The following NALF1 variants were observed in gnomAD, a reference collection of about 807,000 sequenced individuals.
NALF1 encodes the protein family with sequence similarity 155 member A.
Under a neutral mutation model 48.4 loss-of-function variants are expected in NALF1, and 3 were observed. That is an observed-to-expected ratio of 0.06 (90% CI 0.03 to 0.16). The LOEUF is 0.16. Among genes scored for constraint, NALF1 ranks in the 10% least tolerant of loss-of-function variants. The pLI is 1.00. For missense variants in NALF1, 526 were observed against 571.5 expected, an observed-to-expected ratio of 0.92 and a Z score of 0.81; for synonymous variants, 262 against 245.7, an observed-to-expected ratio of 1.07 and a Z score of -0.62.
In NALF1 at chr13:107,210,569, C is replaced by T. The variant is rs757550793; in HGVS notation, c.1087+15G>A. 1.9e-6 allele frequency: 3 copies of T among 1,590,188 alleles called. No individual in the cohort carries two copies. The highest frequency in any genetic ancestry group is 2.6e-6 in the Non-Finnish European group (3 of 1,159,374). ...CACCGGAGACTGGTGTACAGACTCCCACCCGGCACTGTACCTGTACAGATG... is the reference window on the plus strand; with the variant it reads ...CACCGGAGACTGGTGTACAGACTCCTACCCGGCACTGTACCTGTACAGATG... On this transcript the variant is annotated intron_variant, in intron 2 of 2. Transcript: ENST00000375915.
In NALF1 at chr13:107,745,140, T is replaced by A. The variant is rs567408212; in HGVS notation, c.915+120542A>T. ...AATACCTAGAGGGTACATAAACAAA[T>A]TTTTAACTGCAACTAAAACTTAAAC... is the stretch of plus-strand genomic sequence containing the variant. On this transcript the variant is annotated intron_variant, in intron 1 of 2. Transcript: ENST00000375915. Among the ~76,000 whole-genome samples, 30 of 152,326 alleles carry A rather than the reference T, an allele frequency of 2.0e-4. No individual in the cohort carries two copies. The South Asian group carries it at 5.8e-3, about 29-fold the overall frequency.
At chr13:107,221,600 A>AT (rs1019411877) in intron 1 of NALF1, among the ~76,000 whole-genome samples, 1 of 152,158 alleles carries the variant, frequency 6.6e-6, no homozygotes, top group Non-Finnish European at 1.5e-5. Flanking sequence ...AAGTAAAAAA[A>AT]TAAAAAAGAA....
At chr13:107,354,951 C>T (rs556538186) in intron 1 of NALF1, among the ~76,000 whole-genome samples, 1 of 152,168 alleles carries the variant, frequency 6.6e-6, no homozygotes, top group Admixed American at 6.5e-5. Context: ...TGGCTGAGAT[C>T]CCCAACCCTA....
At chr13:107,598,602 A>C (rs1006872753) in intron 1 of NALF1, among the ~76,000 whole-genome samples, 3 of 152,306 alleles carry the variant, frequency 2.0e-5, no homozygotes, top group African/African-American at 7.2e-5. Flanking sequence ...ACTTGTTTAT[A>C]AGCAGAGTAG....
intron 1 of NALF1, among the ~76,000 whole-genome samples, chr13:107,803,063 A>G (rs1485709672): frequency 6.6e-6 from 1 of 152,184 alleles, no homozygotes; most frequent in African/African-American, 2.4e-5. Flanking sequence ...ATTCGTTTAT[A>G]TATTCAGTTA....
intron 1 of NALF1, among the ~76,000 whole-genome samples, chr13:107,647,428 C>T (rs1408941458): frequency 6.6e-6 from 1 of 150,788 alleles, no homozygotes; most frequent in African/African-American, 2.4e-5. Flanking sequence ...CAGTTCATTC[C>T]TTTTAAATTC....
At chr13:107,749,743 A>G (rs1250727660) in intron 1 of NALF1, among the ~76,000 whole-genome samples, 1 of 152,154 alleles carries the variant, frequency 6.6e-6, no homozygotes, top group Non-Finnish European at 1.5e-5. Context: ...AGTCGTAGCA[A>G]ATCAATAAAG....
chr13:107,304,322 T>C (rs1236044284), intron 1 of NALF1, among the ~76,000 whole-genome samples: 1 of 152,214 alleles, frequency 6.6e-6, no homozygotes, highest in Admixed American at 6.5e-5. Flanking sequence ...AGATTTAGTT[T>C]TGAATTTAGC....
intron 1 of NALF1, among the ~76,000 whole-genome samples, chr13:107,705,563 G>A (rs1179497948): frequency 1.3e-5 from 2 of 151,904 alleles, no homozygotes; most frequent in South Asian, 2.1e-4. Flanking sequence ...TGCTTACACA[G>A]TGATGCATAA....
intron 1 of NALF1, among the ~76,000 whole-genome samples, chr13:107,499,803 T>C (rs1233339411): frequency 6.6e-6 from 1 of 152,186 alleles, no homozygotes; most frequent in Non-Finnish European, 1.5e-5. Flanking sequence ...TATTGTCTCT[T>C]TTTCTTCAGA....
chr13:107,236,982 G>T (rs1229949893), intron 1 of NALF1, among the ~76,000 whole-genome samples: 2 of 151,920 alleles, frequency 1.3e-5, no homozygotes, highest in African/African-American at 2.4e-5. Context: ...AGGTTATATG[G>T]AAATATTACA....
chr13:107,726,929 G>C (rs905830379), intron 1 of NALF1, among the ~76,000 whole-genome samples: 17 of 150,364 alleles, frequency 1.1e-4, no homozygotes, highest in South Asian at 6.4e-4. Flanking sequence ...GTGTGTGTGT[G>C]TGTGTGTGTG....
chr13:107,184,020 C>T lies in NALF1; in HGVS notation c.1088-13234G>A, dbSNP rs1385752858. The stretch of plus-strand genomic sequence containing the variant: ...TTGAGACAGAGTCTCACTCTGTTGC[C>T]GGGCTGGAGTGCAGTGGCATGATCA... On this transcript the variant is annotated intron_variant, in intron 2 of 2. Transcript: ENST00000375915. 8.7e-5 allele frequency among the ~76,000 whole-genome samples: 13 copies of T among 149,896 alleles called. No homozygotes were observed. In the East Asian group the frequency reaches 1.8e-3, roughly 20 times the overall value.
intron 1 of NALF1, among the ~76,000 whole-genome samples, chr13:107,307,462 ATCTC>A (rs1271756123): frequency 3.3e-5 from 5 of 151,832 alleles, no homozygotes; most frequent in South Asian, 2.1e-4. Context: ...CATTTGGATG[ATCTC>A]TCTTTTTTAT....
At chr13:107,536,264 A>T (rs2139113677) in intron 1 of NALF1, among the ~76,000 whole-genome samples, 1 of 152,250 alleles carries the variant, frequency 6.6e-6, no homozygotes, top group East Asian at 1.9e-4. Flanking sequence ...GCACAGCAAA[A>T]GAAACTACCA....
chr13:107,392,514 C>A (rs1883644471), intron 1 of NALF1, among the ~76,000 whole-genome samples: 1 of 152,112 alleles, frequency 6.6e-6, no homozygotes, highest in African/African-American at 2.4e-5. Context: ...TCAAAAGTGG[C>A]CAGACAGGTT....
intron 1 of NALF1, among the ~76,000 whole-genome samples, chr13:107,233,885 AGAT>A (rs1386996440): frequency 1.2e-4 from 18 of 152,256 alleles, no homozygotes; most frequent in Non-Finnish European, 1.5e-5. Context: ...CAGCAGTTAT[AGAT>A]GATATGACAT....
chr13:107,249,426 G>T (rs890460327), intron 1 of NALF1, among the ~76,000 whole-genome samples: 1 of 151,982 alleles, frequency 6.6e-6, no homozygotes, highest in African/African-American at 2.4e-5. Context: ...AAATAAAATT[G>T]CAAAAGAAAA....
chr13:107,486,777 T>C (rs1056025949), intron 1 of NALF1, among the ~76,000 whole-genome samples: 1 of 152,230 alleles, frequency 6.6e-6, no homozygotes, highest in African/African-American at 2.4e-5. Context: ...TCCCTTCTTT[T>C]CATATAATAT....
Sources: allele counts gnomAD v4.1 joint callset (sites outside exome capture counted in the v4.1 genomes callset), GRCh38; gene constraint gnomAD v4.1.1; transcripts MANE v1.5; gene names NCBI Gene and HGNC (gene_info 2026-07-23, HGNC 2026-07-21).